The following SEC23B variants were observed in gnomAD, a reference collection of about 807,000 sequenced individuals.
SEC23B encodes the protein protein transport protein Sec23B.
SEC23B carries 77 observed loss-of-function variants against 104.3 expected under a neutral mutation model. The ratio of observed to expected loss-of-function variants is 0.74; its 90% CI spans 0.61 to 0.89. SEC23B has a LOEUF of 0.89. Ranked by LOEUF, SEC23B falls within the 40% of genes least tolerant of loss-of-function variation. The probability of loss-of-function intolerance (pLI) is 0.00; values close to 1 mark genes in which losing one functional copy is unlikely to be tolerated. For synonymous variants in SEC23B, 338 were observed against 332.5 expected, an observed-to-expected ratio of 1.02 and a Z score of -0.18; for missense variants, 885 against 949.4, an observed-to-expected ratio of 0.93 and a Z score of 0.89.
chr20:18,545,397 G>A (rs551405555), intron 14 of SEC23B, among the ~76,000 whole-genome samples: 1 of 152,324 alleles, frequency 6.6e-6, no homozygotes, highest in East Asian at 1.9e-4. Flanking sequence ...GGAAGTTCAA[G>A]AAGACGAGAA....
intron 11 of SEC23B, 37 bp from the exon 12 acceptor site, chr20:18,535,616 C>T: frequency 6.4e-7 from 1 of 1,557,256 alleles, no homozygotes; most frequent in Non-Finnish European, 8.9e-7. Flanking sequence ...GGATGGTTTT[C>T]TGGTTTTGTT....
chr20:18,526,303 A>T, intron 7 of SEC23B, 70 bp from the exon 8 acceptor site: 1 of 1,541,784 alleles, frequency 6.5e-7, no homozygotes, highest in Non-Finnish European at 9.0e-7. Context: ...GAGTATTTCT[A>T]TTGGGAAACT....
intron 9 of SEC23B, among the ~76,000 whole-genome samples, chr20:18,529,803 C>T (rs755880648): frequency 6.6e-6 from 1 of 152,200 alleles, no homozygotes; most frequent in Non-Finnish European, 1.5e-5. Context: ...ATATTTGGTG[C>T]CAAAGAGCTG....
intron 4 of SEC23B, among the ~76,000 whole-genome samples, chr20:18,523,354 A>G (rs1426748857): frequency 3.4e-5 from 5 of 149,018 alleles, no homozygotes; most frequent in Non-Finnish European, 7.4e-5. Context: ...CTTTGCTCAA[A>G]CATTACTTTC....
At chr20:18,548,502 C>G in intron 15 of SEC23B, 107 bp from the exon 16 acceptor site, 2 of 1,085,974 alleles carry the variant, frequency 1.8e-6, no homozygotes, top group South Asian at 1.3e-5. Flanking sequence ...ACCAGAGAGC[C>G]CTTTTCTGGG....
At chr20:18,521,411 G>A (rs892062292) in intron 4 of SEC23B, among the ~76,000 whole-genome samples, 5 of 152,102 alleles carry the variant, frequency 3.3e-5, no homozygotes, top group Admixed American at 1.3e-4. Context: ...TTTGCCAAAC[G>A]GGCCATTAAC....
At chr20:18,522,651 A>G (rs1426263042) in intron 4 of SEC23B, among the ~76,000 whole-genome samples, 1 of 151,972 alleles carries the variant, frequency 6.6e-6, no homozygotes, top group Non-Finnish European at 1.5e-5. Context: ...CAAATATCTC[A>G]CGTGTCCGTG....
intron 4 of SEC23B, among the ~76,000 whole-genome samples, chr20:18,516,274 TATTTATTC>T (rs1246752172): frequency 4.6e-5 from 7 of 151,450 alleles, no homozygotes. Context: ...TTACAAATTG[TATTTATTC>T]ATTTATTCAG....
chr20:18,530,174 G>A (rs1016533897), intron 9 of SEC23B, among the ~76,000 whole-genome samples: 14 of 152,252 alleles, frequency 9.2e-5, no homozygotes, highest in African/African-American at 3.4e-4. Context: ...TGCTTTAGAA[G>A]TAGTTTCTTT....
intron 17 of SEC23B, among the ~76,000 whole-genome samples, chr20:18,551,721 A>AAAT (rs34825037): frequency 0.28 from 42,968 of 151,060 alleles, 6,483 homozygotes; most frequent in East Asian, 0.63. Context: ...CTCAAAAAAT[A>AAAT]AATAATAATA....
chr20:18,558,879 T>C (rs1370934195), intron 19 of SEC23B, among the ~76,000 whole-genome samples: 1 of 152,232 alleles, frequency 6.6e-6, no homozygotes, highest in Non-Finnish European at 1.5e-5. Flanking sequence ...CAGGTGATTC[T>C]AACATTGTTG....
intron 1 of SEC23B, 32 bp from the exon 2 acceptor site, chr20:18,510,790 T>TA (rs1210690520): frequency 6.7e-7 from 1 of 1,493,584 alleles, no homozygotes; most frequent in Admixed American, 1.7e-5. Context: ...GAATTTCACA[T>TA]ACCATTAAGG....
chr20:18,530,846 TG>T (rs1314938798), intron 10 of SEC23B, 43 bp downstream of exon 10: 1 of 1,523,642 alleles, frequency 6.6e-7, no homozygotes. Flanking sequence ...CTCACTGTAC[TG>T]CCCAGGCTGG....
chr20:18,510,478 A>C (rs2059971731), intron 1 of SEC23B, among the ~76,000 whole-genome samples: 1 of 152,218 alleles, frequency 6.6e-6, no homozygotes, highest in African/African-American at 2.4e-5. Flanking sequence ...ACACTGTGTT[A>C]GTTGGGCCGG....
chr20:18,558,955 T>C (rs774530919), intron 19 of SEC23B, among the ~76,000 whole-genome samples: 2 of 152,172 alleles, frequency 1.3e-5, no homozygotes, highest in Non-Finnish European at 2.9e-5. Flanking sequence ...GTAATCACTT[T>C]GTGTAAGTGA....
chr20:18,524,852 C>T, intron 5 of SEC23B, 83 bp from the exon 6 acceptor site: 1 of 1,474,900 alleles, frequency 6.8e-7, no homozygotes, highest in South Asian at 1.2e-5. Flanking sequence ...GCCACCACAC[C>T]CAGCTGAGGA....
Position 18,542,358 on chromosome 20 carries a change from C to T in SEC23B, c.1467C>T (p.His489=), listed in dbSNP as rs2273526. The part of the protein sequence containing the change: ...GAIQFVTHYQ[H]SSTQRRIRVT... ...TCCAGTTTGTCACGCATTATCAGCA[C>T]TCCAGCACCCAGAGACGCATCCGCG... The change falls in exon 13 of 20, where the codon CAC becomes CAT. Residue 489 remains histidine, a synonymous_variant. Transcript: ENST00000650089. 1 of 1,614,160 alleles carries T rather than the reference C, an allele frequency of 6.2e-7. No homozygotes were observed. The highest frequency in any genetic ancestry group is 1.1e-5 in the South Asian group (1 of 91,090).
intron 12 of SEC23B, among the ~76,000 whole-genome samples, chr20:18,540,511 T>C (rs767840554): frequency 6.6e-6 from 1 of 152,216 alleles, no homozygotes; most frequent in Non-Finnish European, 1.5e-5. Flanking sequence ...AGCACAATTC[T>C]TAAGAGTCCT....
chr20:18,558,028 G>C (rs1013317498), intron 19 of SEC23B, among the ~76,000 whole-genome samples: 3 of 152,144 alleles, frequency 2.0e-5, no homozygotes, highest in Admixed American at 2.0e-4. Flanking sequence ...TGGGATTACA[G>C]GCATGAGCCA....
Sources: allele counts gnomAD v4.1 joint callset (sites outside exome capture counted in the v4.1 genomes callset), GRCh38; gene constraint gnomAD v4.1.1; transcripts MANE v1.5; gene names NCBI Gene and HGNC (gene_info 2026-07-23, HGNC 2026-07-21).